Variants in TRPC4 observed in about 807,000 individuals in gnomAD.
TRPC4 encodes transient receptor potential cation channel subfamily C member 4.
TRPC4 carries 49 observed loss-of-function variants against 99.4 expected under a neutral mutation model. The ratio of observed to expected loss-of-function variants is 0.49; its 90% CI spans 0.39 to 0.63. The LOEUF is 0.63. TRPC4 is among the 20% of genes least tolerant of loss of function. TRPC4 has a pLI of 0.00. For missense variants in TRPC4, 898 were observed against 1,152.9 expected (o/e 0.78, Z 3.20); for synonymous variants, 454 against 425.9 (o/e 1.07, Z -0.81).
At chr13:37,819,576 A>G (rs1957957005) in intron 1 of TRPC4, among the ~76,000 whole-genome samples, 1 of 152,028 alleles carries the variant, frequency 6.6e-6, no homozygotes, top group African/African-American at 2.4e-5. Context: ...AGGAACAGGA[A>G]ATCAAATTTT....
chr13:37,677,020 A>C (rs1953081235), intron 4 of TRPC4, among the ~76,000 whole-genome samples: 1 of 151,934 alleles, frequency 6.6e-6, no homozygotes, highest in Non-Finnish European at 1.5e-5. Flanking sequence ...AACTGTAGCA[A>C]TATATTGTAA....
intron 7 of TRPC4, among the ~76,000 whole-genome samples, chr13:37,651,690 C>T (rs1374358728): frequency 2.0e-5 from 3 of 152,188 alleles, no homozygotes; most frequent in African/African-American, 7.2e-5. Context: ...TTCAGTGAAA[C>T]AGACATCTAA....
At chr13:37,695,441 A>G (rs1022038286) in intron 3 of TRPC4, among the ~76,000 whole-genome samples, 9 of 151,982 alleles carry the variant, frequency 5.9e-5, no homozygotes, top group Non-Finnish European at 1.0e-4. Flanking sequence ...CTCCTACTCC[A>G]TCTTTCTACT....
At chr13:37,776,471 C>T (rs1221047122) in intron 2 of TRPC4, among the ~76,000 whole-genome samples, 1 of 151,784 alleles carries the variant, frequency 6.6e-6, no homozygotes, top group Non-Finnish European at 1.5e-5. Flanking sequence ...CTCTCTCTCT[C>T]TCTGAATTTT....
chr13:37,699,202 T>C (rs965835219), intron 3 of TRPC4, among the ~76,000 whole-genome samples: 1 of 152,096 alleles, frequency 6.6e-6, no homozygotes, highest in Non-Finnish European at 1.5e-5. Flanking sequence ...TGAATTAATA[T>C]GTGAAAAGTA....
intron 4 of TRPC4, among the ~76,000 whole-genome samples, chr13:37,690,170 A>G (rs2138866544): frequency 6.6e-6 from 1 of 152,356 alleles, no homozygotes; most frequent in South Asian, 2.1e-4. Flanking sequence ...AAATTCCTTT[A>G]AAAACATTCT....
intron 1 of TRPC4, among the ~76,000 whole-genome samples, chr13:37,828,047 C>T (rs543950651): frequency 5.9e-5 from 9 of 152,278 alleles, no homozygotes; most frequent in South Asian, 4.1e-4. Context: ...AGGTGCCGTC[C>T]GTCACCCCTT....
chr13:37,684,704 C>T (rs1953399948), intron 4 of TRPC4, among the ~76,000 whole-genome samples: 1 of 151,614 alleles, frequency 6.6e-6, no homozygotes, highest in Non-Finnish European at 1.5e-5. Flanking sequence ...AAAATTACCA[C>T]CTTCCACTTA....
At chr13:37,826,816 CCCTGCCTTGCTAGATTGGGGAAGTTCT>C (rs1326038766) in intron 1 of TRPC4, among the ~76,000 whole-genome samples, 1 of 152,080 alleles carries the variant, frequency 6.6e-6, no homozygotes, top group African/African-American at 2.4e-5. Context: ...CTGAATGTTG[CCCTGCCTTGCTAGATTGGGGAAGTTCT>C]CCTGGATAAT....
chr13:37,727,752 A>G (rs1305576442), intron 3 of TRPC4, among the ~76,000 whole-genome samples: 1 of 152,038 alleles, frequency 6.6e-6, no homozygotes, highest in African/African-American at 2.4e-5. Context: ...AAAGGATTAT[A>G]GGAGAGGAAT....
At chr13:37,742,958 C>T (rs1252319975) in intron 3 of TRPC4, among the ~76,000 whole-genome samples, 1 of 152,062 alleles carries the variant, frequency 6.6e-6, no homozygotes, top group Admixed American at 6.6e-5. Context: ...TGTTATTTTG[C>T]TTTGGGAAAA....
chr13:37,656,406 C>G (rs1186394445), intron 6 of TRPC4, among the ~76,000 whole-genome samples: 3 of 152,120 alleles, frequency 2.0e-5, no homozygotes, highest in Non-Finnish European at 4.4e-5. Context: ...AATGGTGTTG[C>G]AGAACCAAGT....
At chr13:37,705,648 T>G (rs1169403562) in intron 3 of TRPC4, among the ~76,000 whole-genome samples, 5 of 152,132 alleles carry the variant, frequency 3.3e-5, no homozygotes, top group Non-Finnish European at 7.4e-5. Context: ...AAATCAGTCT[T>G]TGAGTTCCTC....
intron 3 of TRPC4, among the ~76,000 whole-genome samples, chr13:37,733,143 T>C (rs1482160818): frequency 2.6e-5 from 4 of 152,100 alleles, no homozygotes; most frequent in Admixed American, 2.0e-4. Flanking sequence ...TGTGGTTGCA[T>C]GTACCTGTGG....
intron 7 of TRPC4, among the ~76,000 whole-genome samples, chr13:37,653,435 G>T (rs549508180): frequency 2.6e-5 from 4 of 151,858 alleles, no homozygotes; most frequent in African/African-American, 9.7e-5. Context: ...GAAGAAAGAA[G>T]AAAGAAAGAA....
intron 1 of TRPC4, among the ~76,000 whole-genome samples, chr13:37,833,752 T>C (rs1339647634): frequency 6.6e-6 from 1 of 152,218 alleles, no homozygotes; most frequent in African/African-American, 2.4e-5. Flanking sequence ...CTTTTCTCAA[T>C]GCATCCTACT....
chr13:37,748,867 T>G (rs748576367), intron 2 of TRPC4, among the ~76,000 whole-genome samples: 2 of 152,160 alleles, frequency 1.3e-5, no homozygotes, highest in Non-Finnish European at 2.9e-5. Flanking sequence ...ATAAATCTGC[T>G]GTTTGAGTTT....
Position 37,635,835 on chromosome 13 carries a change from T to C in TRPC4, c.*1068A>G, listed in dbSNP as rs899832201. On this transcript the variant is annotated 3_prime_UTR_variant, in exon 11 of 11. Coordinates refer to ENST00000379705, the MANE Select transcript of TRPC4 (RefSeq NM_016179.4). ...TTTCCTATAGGCAAAACTATATATC[T>C]ATATCTGCTGATAAAATTAATAATG... Among the ~76,000 whole-genome samples the C allele has an allele frequency of 1.3e-5, 2 of 152,144 alleles. No homozygotes were observed. The highest frequency in any genetic ancestry group is 4.8e-5 in the African/African-American group (2 of 41,450).
chr13:37,638,985 T>C, intron 10 of TRPC4, 55 bp downstream of exon 10: 1 of 1,565,834 alleles, frequency 6.4e-7, no homozygotes, highest in East Asian at 2.2e-5. Flanking sequence ...ATGTGCTCTA[T>C]CTGGATCCAT....
Sources: gnomAD v4.1 joint callset for allele counts (sites outside exome capture counted in the v4.1 genomes callset) on GRCh38, gnomAD v4.1.1 for gene constraint, MANE v1.5 for transcripts, NCBI Gene and HGNC (gene_info 2026-07-23, HGNC 2026-07-21) for gene names.